TUSC3: variants seen among roughly 807,000 people sequenced by gnomAD.
TUSC3 encodes the protein tumor suppressor candidate 3, also known as dolichyl-diphosphooligosaccharide--protein glycosyltransferase subunit TUSC3.
TUSC3 carries 45 observed loss-of-function variants against 44.8 expected under a neutral mutation model. The observed-to-expected ratio is 1.00, with a 90% CI of 0.79 to 1.29. TUSC3 has a LOEUF of 1.29. Among genes scored for constraint, TUSC3 ranks in the 50% most tolerant of loss-of-function variants. The probability of loss-of-function intolerance (pLI) is 0.00; values close to 1 mark genes in which losing one functional copy is unlikely to be tolerated. For missense variants in TUSC3, 519 were observed against 437.9 expected (o/e 1.19, Z -1.65); for synonymous variants, 212 against 152.9 (o/e 1.39, Z -2.85).
chr8:15,668,995 C>G (rs972339456), intron 5 of TUSC3, among the ~76,000 whole-genome samples: 6 of 151,636 alleles, frequency 4.0e-5, no homozygotes, highest in Non-Finnish European at 3.0e-5. Flanking sequence ...ATTTTGCAAT[C>G]TTGTGAATTA....
At chr8:15,735,503 C>G (rs1416779191) in intron 7 of TUSC3, among the ~76,000 whole-genome samples, 1 of 152,070 alleles carries the variant, frequency 6.6e-6, no homozygotes, top group African/African-American at 2.4e-5. Flanking sequence ...GATCATAAAG[C>G]CAATCAGTTG....
chr8:15,668,850 C>T (rs1002139968), intron 5 of TUSC3, among the ~76,000 whole-genome samples: 1 of 151,678 alleles, frequency 6.6e-6, no homozygotes, highest in African/African-American at 2.4e-5. Flanking sequence ...ACCTGAGTGT[C>T]TGGTTCTCTG....
rs773258966 is a variant in TUSC3, at chr8:15,757,834, C to G, written c.*25C>G. On this transcript the variant is annotated 3_prime_UTR_variant, in exon 10 of 11. Coordinates refer to ENST00000503731, the MANE Select transcript of TUSC3 (RefSeq NM_006765.4). ...AGAAGATGTGATTTGGACCATGGCA[C>G]TTAAAAACTCTATAACCTCAGGCAA... The G allele has an allele frequency of 1.4e-4, 196 of 1,382,752 alleles. No individual in the cohort carries two copies. The highest frequency in any genetic ancestry group is 1.9e-4 in the Non-Finnish European group (185 of 969,432). The allele number at this position is 1,382,752 out of a possible 1,614,324, so 85.7% of individuals were successfully genotyped here. A position where few individuals can be genotyped will look rare whatever the true frequency, so the allele number is the denominator to read the frequency against.
intron 9 of TUSC3, 26 bp downstream of exon 9, chr8:15,748,491 GTTTTTA>G (rs1200325240): frequency 2.0e-6 from 3 of 1,520,930 alleles, no homozygotes; most frequent in African/African-American, 2.7e-5. Flanking sequence ...TAACATGAAT[GTTTTTA>G]TTTTTAACTA....
At chr8:15,796,891 C>A in the TUSC3 span, among the ~76,000 whole-genome samples, 2 of 152,138 alleles carry the variant, frequency 1.3e-5, no homozygotes, top group Non-Finnish European at 2.9e-5. Context: ...GATATCAGAC[C>A]AGCAAGTCAC....
Position 15,540,458 on chromosome 8 carries a change from C to T in TUSC3, c.28C>T (p.Arg10Cys). The change falls in exon 1 of 11, where the codon CGT (arginine) becomes TGT (cysteine). Residue 10 changes from arginine (R) to cysteine (C), a missense_variant. Transcript: ENST00000503731. MGARGAPSR[R>C]RQAGRRLRYL... is the part of the protein sequence containing the mutation. ...GGGGGCCCGGGGCGCTCCTTCACGC[C>T]GTAGGCAAGCGGGGCGGCGGCTGCG... 1 of 1,604,762 alleles carries T rather than the reference C, an allele frequency of 6.2e-7. No individual in the cohort carries two copies. The highest frequency in any genetic ancestry group is 8.5e-7 in the Non-Finnish European group (1 of 1,176,572).
chr8:15,589,993 G>A (rs1803758085), intron 1 of TUSC3, among the ~76,000 whole-genome samples: 1 of 151,922 alleles, frequency 6.6e-6, no homozygotes, highest in Non-Finnish European at 1.5e-5. Flanking sequence ...TATAATGTTT[G>A]TCTGTAATTT....
intron 8 of TUSC3, among the ~76,000 whole-genome samples, chr8:15,745,877 A>AT (rs35303718): frequency 0.4 from 61,039 of 151,906 alleles, 12,860 homozygotes; most frequent in East Asian, 0.66. Flanking sequence ...TGAGACAGGC[A>AT]TTTCCTAGGT....
In TUSC3 at chr8:15,764,504, T is replaced by C; in HGVS notation, c.*348T>C. Reference sequence around the variant, plus strand: ...ATTATGAATTCATGTTTTAGAGCTGTTTACTCATTAGTAAAGGACCGCAAT... The same window carrying C: ...ATTATGAATTCATGTTTTAGAGCTGCTTACTCATTAGTAAAGGACCGCAAT... On this transcript the variant is annotated 3_prime_UTR_variant, in exon 11 of 11. Coordinates refer to ENST00000503731, the MANE Select transcript of TUSC3 (RefSeq NM_006765.4). The C allele has an allele frequency of 2.9e-6, 1 of 347,506 alleles. No homozygotes were observed. The highest frequency in any genetic ancestry group is 5.4e-6 in the Non-Finnish European group (1 of 183,850). 21.5% of individuals were successfully genotyped at this position (347,506 alleles called of 1,614,324 possible).
intron 1 of TUSC3, among the ~76,000 whole-genome samples, chr8:15,482,315 G>T (rs578176475): frequency 2.0e-5 from 3 of 152,276 alleles, no homozygotes; most frequent in African/African-American, 7.2e-5. Flanking sequence ...TCAAACTCCT[G>T]TTAATACTAT....
chr8:15,502,285 C>T (rs976876186), intron 2 of TUSC3, among the ~76,000 whole-genome samples: 4 of 152,260 alleles, frequency 2.6e-5, no homozygotes, highest in Admixed American at 1.3e-4. Flanking sequence ...CCCAAATGCC[C>T]AATTAAATTG....
At chr8:15,827,410 G>A in the TUSC3 span, among the ~76,000 whole-genome samples, 2 of 152,114 alleles carry the variant, frequency 1.3e-5, no homozygotes, top group African/African-American at 2.4e-5. Context: ...TTCTGTATAA[G>A]TAATCTGTAA....
At chr8:15,787,375 T>C in the TUSC3 span, among the ~76,000 whole-genome samples, 2 of 152,318 alleles carry the variant, frequency 1.3e-5, no homozygotes, top group Non-Finnish European at 2.9e-5. Context: ...TAAAATGCAA[T>C]GAAAATCCAA....
At chr8:15,541,209 G>A (rs1003745244) in intron 1 of TUSC3, among the ~76,000 whole-genome samples, 2 of 152,164 alleles carry the variant, frequency 1.3e-5, no homozygotes, top group Non-Finnish European at 2.9e-5. Context: ...ATTTATTTCT[G>A]AAGTTCATTC....
intron 6 of TUSC3, among the ~76,000 whole-genome samples, chr8:15,676,535 A>T (rs1432521530): frequency 6.6e-6 from 1 of 152,108 alleles, no homozygotes; most frequent in Non-Finnish European, 1.5e-5. Context: ...CTTATCCATA[A>T]ATGCTTTGCC....
At chr8:15,803,649 C>A in the TUSC3 span, among the ~76,000 whole-genome samples, 1 of 152,128 alleles carries the variant, frequency 6.6e-6, no homozygotes, top group Admixed American at 6.5e-5. Context: ...TACCTATCAA[C>A]CTGTCATGTA....
chr8:15,686,944 T>C (rs574936471), intron 6 of TUSC3, among the ~76,000 whole-genome samples: 212 of 152,066 alleles, frequency 1.4e-3, no homozygotes, highest in African/African-American at 4.9e-3. Flanking sequence ...GGCAGGCGCC[T>C]GTAGTCCGGT....
intron 2 of TUSC3, among the ~76,000 whole-genome samples, chr8:15,627,081 TA>T: frequency 6.6e-6 from 1 of 152,254 alleles, no homozygotes; most frequent in Non-Finnish European, 1.5e-5. Context: ...ATCTGGCCCA[TA>T]AAAACCTCAG....
rs998835269 is a variant in TUSC3, at chr8:15,693,099, T to G, written c.798+19263T>G. Among the ~76,000 whole-genome samples, 5 of 152,216 alleles carry G rather than the reference T, an allele frequency of 3.3e-5. No homozygotes were observed. In the South Asian group the frequency reaches 1.0e-3, roughly 31 times the overall value. ...AGACAGCTTACCATTGGTTCTTGATTCTTTATGCAACTTGCTTCTTTGTGC... is the reference window on the plus strand; with the variant it reads ...AGACAGCTTACCATTGGTTCTTGATGCTTTATGCAACTTGCTTCTTTGTGC... On this transcript the variant is annotated intron_variant, in intron 6 of 10. Transcript: ENST00000503731.
Sources: gnomAD v4.1 joint callset for allele counts (sites outside exome capture counted in the v4.1 genomes callset) on GRCh38, gnomAD v4.1.1 for gene constraint, MANE v1.5 for transcripts, NCBI Gene and HGNC (gene_info 2026-07-23, HGNC 2026-07-21) for gene names.